Variants in IL1RAPL1 observed in about 807,000 individuals in gnomAD.
IL1RAPL1 encodes interleukin 1 receptor accessory protein like 1, also known as interleukin-1 receptor accessory protein-like 1.
Under a neutral mutation model 48.4 loss-of-function variants are expected in IL1RAPL1, and 3 were observed. That is an observed-to-expected ratio of 0.06 (90% CI 0.03 to 0.16). The LOEUF (loss-of-function observed/expected upper bound fraction) is 0.16, where lower values mean the gene tolerates loss of function less well. Among genes scored for constraint, IL1RAPL1 ranks in the 10% least tolerant of loss-of-function variants. The probability of loss-of-function intolerance (pLI) is 1.00; values close to 1 mark genes in which losing one functional copy is unlikely to be tolerated. For missense variants in IL1RAPL1, 349 were observed against 530.6 expected (o/e 0.66, Z 3.36); for synonymous variants, 185 against 187.7 (o/e 0.99, Z 0.12).
chrX:29,947,259 C>T (rs1382704782), intron 9 of IL1RAPL1, among the ~76,000 whole-genome samples: 1 of 111,681 alleles, frequency 9.0e-6, no homozygotes. Context: ...AATGGAGTGT[C>T]CCTTCAAGTT....
At chrX:29,241,704 A>G (rs760921210) in intron 2 of IL1RAPL1, among the ~76,000 whole-genome samples, 3 of 112,319 alleles carry the variant, frequency 2.7e-5, no homozygotes, top group Non-Finnish European at 5.6e-5. Flanking sequence ...GTTCAATTCC[A>G]ATGGAAATGG....
rs141820691 is a variant in IL1RAPL1, at chrX:29,558,299, C to G, written c.704-110131C>G. Among the ~76,000 whole-genome samples the G allele has an allele frequency of 8.2e-4, 91 of 111,625 alleles. 1 individual carries two copies. The highest frequency in any genetic ancestry group is 2.8e-3 in the African/African-American group (85 of 30,837). On this transcript the variant is annotated intron_variant, in intron 5 of 10. Transcript: ENST00000378993. ...TCTGATGATTAGTGATATTGAGCAC[C>G]TTTTCATCTACCTGTTGATCACTTG...
intron 5 of IL1RAPL1, among the ~76,000 whole-genome samples, chrX:29,418,142 T>TA (rs1934246513): frequency 1.2e-5 from 1 of 83,345 alleles, no homozygotes; most frequent in Non-Finnish European, 2.3e-5. Flanking sequence ...TTTTTTTTTT[T>TA]GAGATGGAGT....
chrX:29,340,104 C>T (rs185382943), intron 3 of IL1RAPL1, among the ~76,000 whole-genome samples: 7 of 112,081 alleles, frequency 6.2e-5, no homozygotes, highest in Admixed American at 3.8e-4. Flanking sequence ...AGTCAATATT[C>T]TTTGTTTCCT....
intron 5 of IL1RAPL1, among the ~76,000 whole-genome samples, chrX:29,460,359 A>G (rs1011730585): frequency 8.9e-6 from 1 of 112,192 alleles, no homozygotes; most frequent in Non-Finnish European, 1.9e-5. Flanking sequence ...CACTGGAGAC[A>G]TTCACATTTG....
At chrX:29,897,820 G>GACTT (rs1266052197) in intron 6 of IL1RAPL1, among the ~76,000 whole-genome samples, 1 of 111,671 alleles carries the variant, frequency 9.0e-6, no homozygotes, top group Non-Finnish European at 1.9e-5. Context: ...ACCTGAACCT[G>GACTT]ACTTAGGGAA....
intron 6 of IL1RAPL1, among the ~76,000 whole-genome samples, chrX:29,906,356 A>C (rs184460880): frequency 0.25 from 23,680 of 95,729 alleles, 2,426 homozygotes; most frequent in Admixed American, 0.3. Context: ...CAAACAACAA[A>C]AAAAAAAACA....
At chrX:28,701,695 G>A (rs2146930244) in intron 1 of IL1RAPL1, among the ~76,000 whole-genome samples, 1 of 111,519 alleles carries the variant, frequency 9.0e-6, no homozygotes, top group African/African-American at 3.3e-5. Flanking sequence ...GCCCATGTAG[G>A]AAGAGATTCA....
At position 29,429,894 on chromosome X, in the gene IL1RAPL1, G is replaced by GGTGT. The variant is rs1556011349; in HGVS notation, c.703+30615_703+30618dup. On this transcript the variant is annotated intron_variant, in intron 5 of 10. Transcript: ENST00000378993. ...AGTGTATATATATGTGTGTGTGTGTGGTGTGTGTGTGTGTGTGTGTGTGTG... is the reference window on the plus strand; with the variant it reads ...AGTGTATATATATGTGTGTGTGTGTGGTGTGTGTGTGTGTGTGTGTGTGTGTGTG... Among the ~76,000 whole-genome samples, 316 of 85,094 alleles carry GGTGT rather than the reference G, an allele frequency of 3.7e-3. 2 individuals are homozygous for GGTGT. The highest frequency in any genetic ancestry group is 0.013 in the African/African-American group (283 of 21,247). The allele number at this position is 85,094 out of a possible 115,157, so 73.9% of individuals were successfully genotyped here. A position where few individuals can be genotyped will look rare whatever the true frequency, so the allele number is the denominator to read the frequency against.
chrX:29,125,114 T>C (rs898857346), intron 2 of IL1RAPL1, among the ~76,000 whole-genome samples: 13 of 112,538 alleles, frequency 1.2e-4, no homozygotes, highest in African/African-American at 4.2e-4. Context: ...TTAATTCCTG[T>C]AGTGTTCTCT....
chrX:28,697,728 A>G (rs1935250083), intron 1 of IL1RAPL1, among the ~76,000 whole-genome samples: 1 of 111,670 alleles, frequency 9.0e-6, no homozygotes, highest in Non-Finnish European at 1.9e-5. Flanking sequence ...TTCAACAAAT[A>G]TTAAGTACCT....
intron 6 of IL1RAPL1, among the ~76,000 whole-genome samples, chrX:29,802,906 TATATATGTGTACATATATAC>T (rs1476603182): frequency 3.5e-3 from 116 of 33,113 alleles, no homozygotes; most frequent in African/African-American, 7.7e-3. Flanking sequence ...TATATATGTG[TATATATGTGTACATATATAC>T]ATATATGTGT....
intron 5 of IL1RAPL1, among the ~76,000 whole-genome samples, chrX:29,631,956 G>A (rs1924789348): frequency 9.0e-6 from 1 of 111,542 alleles, no homozygotes; most frequent in Admixed American, 9.5e-5. Context: ...ATCTTTCCGA[G>A]AAATTATAAT....
intron 1 of IL1RAPL1, among the ~76,000 whole-genome samples, chrX:28,745,252 A>G (rs1352984043): frequency 9.0e-6 from 1 of 111,687 alleles, no homozygotes; most frequent in African/African-American, 3.3e-5. Context: ...GGGCAGCCCA[A>G]ATTCTCACGT....
rs1295704264 is a variant in IL1RAPL1, at chrX:29,821,341, T to A, written c.779-96123T>A. Among the ~76,000 whole-genome samples the A allele has an allele frequency of 4.5e-5, 5 of 110,363 alleles. No homozygotes were observed. In the South Asian group the frequency reaches 2.0e-3, roughly 44 times the overall value. On this transcript the variant is annotated intron_variant, in intron 6 of 10. Transcript: ENST00000378993. ...GGTGGGCACCTGTAGTCCCAGCTACTCGGGAGGCTGAGGCAGGAGAATGGC... is the reference window on the plus strand; with the variant it reads ...GGTGGGCACCTGTAGTCCCAGCTACACGGGAGGCTGAGGCAGGAGAATGGC...
At chrX:29,726,304 A>G (rs1409334087) in intron 6 of IL1RAPL1, among the ~76,000 whole-genome samples, 1 of 112,578 alleles carries the variant, frequency 8.9e-6, no homozygotes, top group African/African-American at 3.2e-5. Context: ...TATACATTTT[A>G]GAATGGTTAA....
intron 2 of IL1RAPL1, among the ~76,000 whole-genome samples, chrX:29,251,728 G>A (rs895730494): frequency 1.1e-4 from 12 of 111,229 alleles, no homozygotes; most frequent in African/African-American, 3.9e-4. Flanking sequence ...GCAACAAACA[G>A]TGATGTGAGT....
At chrX:29,343,838 G>A (rs1315297063) in intron 3 of IL1RAPL1, among the ~76,000 whole-genome samples, 2 of 111,126 alleles carry the variant, frequency 1.8e-5, no homozygotes, top group African/African-American at 6.5e-5. Flanking sequence ...TTCTTAATTA[G>A]CTTTCACTTC....
intron 2 of IL1RAPL1, among the ~76,000 whole-genome samples, chrX:29,103,733 G>A (rs868025010): frequency 9.0e-6 from 1 of 111,612 alleles, no homozygotes; most frequent in Middle Eastern, 4.7e-3. Flanking sequence ...GTGACAAGGC[G>A]TTAATAACCA....
Sources: allele counts gnomAD v4.1 joint callset (sites outside exome capture counted in the v4.1 genomes callset), GRCh38; gene constraint gnomAD v4.1.1; transcripts MANE v1.5; gene names NCBI Gene and HGNC (gene_info 2026-07-23, HGNC 2026-07-21).